PRKAA2: variants seen among roughly 807,000 people sequenced by gnomAD.
PRKAA2 encodes the protein 5'-AMP-activated protein kinase catalytic subunit alpha-2.
PRKAA2 carries 40 observed loss-of-function variants against 56.3 expected under a neutral mutation model. The ratio of observed to expected loss-of-function variants is 0.71; its 90% CI spans 0.55 to 0.92. PRKAA2 has a LOEUF of 0.92. Among genes scored for constraint, PRKAA2 ranks in the 40% least tolerant of loss-of-function variants. PRKAA2 has a pLI of 0.00. For missense variants in PRKAA2, 542 were observed against 686.9 expected, an observed-to-expected ratio of 0.79 and a Z score of 2.36; for synonymous variants, 214 against 234.2, an observed-to-expected ratio of 0.91 and a Z score of 0.79.
In PRKAA2 at chr1:56,712,739, C is replaced by T. The variant is rs545002246; in HGVS notation, c.*5026C>T. 6.6e-6 allele frequency: 1 copy of T among 152,156 alleles called. No homozygotes were observed. The highest frequency in any genetic ancestry group is 1.9e-4 in the East Asian group (1 of 5,158). The allele number at this position is 152,156 out of a possible 1,614,324, so 9.4% of individuals were successfully genotyped here. A position where few individuals can be genotyped will look rare whatever the true frequency, so the allele number is the denominator to read the frequency against. ...GGTGACAGGCTGCTTGTAATCCCAG[C>T]TACTCGGGAGGCTGAGGCACGGGAA... On this transcript the variant is annotated 3_prime_UTR_variant, in exon 9 of 9. Transcript: ENST00000371244.
chr1:56,669,118 A>G (rs774808487), intron 1 of PRKAA2, among the ~76,000 whole-genome samples: 42 of 152,178 alleles, frequency 2.8e-4, no homozygotes, highest in Admixed American at 7.2e-4. Flanking sequence ...GATAATCCTG[A>G]TAAATGGCTG....
At chr1:56,687,408 T>A (rs1399331565) in intron 2 of PRKAA2, among the ~76,000 whole-genome samples, 1 of 152,046 alleles carries the variant, frequency 6.6e-6, no homozygotes, top group Non-Finnish European at 1.5e-5. Context: ...AGAGAGGGGA[T>A]ACACACACAT....
chr1:56,689,751 G>A (rs567422042), intron 2 of PRKAA2, among the ~76,000 whole-genome samples: 13 of 152,048 alleles, frequency 8.5e-5, no homozygotes, highest in African/African-American at 3.1e-4. Context: ...TAATTTTAAC[G>A]TCTCCAAAAC....
intron 6 of PRKAA2, among the ~76,000 whole-genome samples, chr1:56,700,607 C>G (rs1048922421): frequency 6.6e-6 from 1 of 152,120 alleles, no homozygotes; most frequent in African/African-American, 2.4e-5. Flanking sequence ...CAGGCAGTTG[C>G]GATGTTAGAC....
intron 1 of PRKAA2, among the ~76,000 whole-genome samples, chr1:56,652,793 T>C (rs536988229): frequency 6.6e-6 from 1 of 152,342 alleles, no homozygotes; most frequent in African/African-American, 2.4e-5. Flanking sequence ...AGGTAAATTC[T>C]GCACCCTGTG....
intron 1 of PRKAA2, among the ~76,000 whole-genome samples, chr1:56,654,656 T>C (rs981630348): frequency 1.1e-4 from 16 of 152,164 alleles, no homozygotes; most frequent in Admixed American, 5.9e-4. Flanking sequence ...TGAAAAGCAA[T>C]GTGTTTATTT....
chr1:56,656,543 A>T (rs1435486782), intron 1 of PRKAA2, among the ~76,000 whole-genome samples: 2 of 152,230 alleles, frequency 1.3e-5, no homozygotes, highest in Non-Finnish European at 2.9e-5. Flanking sequence ...CATAAAACTT[A>T]TAGGGAAACA....
chr1:56,689,185 A>G (rs1285287928), intron 2 of PRKAA2, among the ~76,000 whole-genome samples: 2 of 152,162 alleles, frequency 1.3e-5, no homozygotes, highest in African/African-American at 4.8e-5. Flanking sequence ...AAATCAGACC[A>G]ACCTACAGTG....
intron 6 of PRKAA2, among the ~76,000 whole-genome samples, chr1:56,702,244 C>T (rs548784314): frequency 1.1e-4 from 16 of 152,176 alleles, no homozygotes; most frequent in East Asian, 1.9e-4. Flanking sequence ...CCACCACGCC[C>T]GGCTAATTTT....
At chr1:56,672,927 A>G (rs1280511119) in intron 1 of PRKAA2, among the ~76,000 whole-genome samples, 1 of 152,120 alleles carries the variant, frequency 6.6e-6, no homozygotes, top group Non-Finnish European at 1.5e-5. Flanking sequence ...ATCAATGGAA[A>G]AGTTTTGGAG....
chr1:56,697,950 T>C (rs1644269691), intron 6 of PRKAA2, among the ~76,000 whole-genome samples: 1 of 151,970 alleles, frequency 6.6e-6, no homozygotes, highest in African/African-American at 2.4e-5. Context: ...CATGAAAGTA[T>C]CATTCATCTC....
chr1:56,651,669 C>T (rs1375477207), intron 1 of PRKAA2, among the ~76,000 whole-genome samples: 3 of 151,984 alleles, frequency 2.0e-5, no homozygotes, highest in Non-Finnish European at 4.4e-5. Flanking sequence ...AGATAAATAA[C>T]GTTTTTTGAA....
intron 1 of PRKAA2, among the ~76,000 whole-genome samples, chr1:56,655,864 C>G (rs115622399): frequency 2.0e-5 from 3 of 152,300 alleles, no homozygotes; most frequent in Non-Finnish European, 4.4e-5. Flanking sequence ...TGATCTGCCT[C>G]TTACCTTTCT....
intron 2 of PRKAA2, among the ~76,000 whole-genome samples, chr1:56,687,964 A>G (rs140152156): frequency 5.0e-4 from 76 of 152,230 alleles, no homozygotes; most frequent in African/African-American, 1.7e-3. Context: ...TTTCTGAAAA[A>G]TTTTTAAACT....
At chr1:56,666,469 C>T (rs941362995) in intron 1 of PRKAA2, among the ~76,000 whole-genome samples, 2 of 152,128 alleles carry the variant, frequency 1.3e-5, no homozygotes, top group African/African-American at 2.4e-5. Flanking sequence ...TACTGAAAGA[C>T]GGTACTTCAT....
intron 2 of PRKAA2, among the ~76,000 whole-genome samples, chr1:56,679,400 C>A (rs2092595): frequency 0.45 from 67,689 of 151,964 alleles, 15,636 homozygotes; most frequent in East Asian, 0.59. Context: ...TGAAGCTAAA[C>A]TTTTCTCTCT....
intron 2 of PRKAA2, among the ~76,000 whole-genome samples, chr1:56,674,849 G>A (rs905312449): frequency 6.6e-6 from 1 of 151,898 alleles, no homozygotes; most frequent in African/African-American, 2.4e-5. Context: ...AACTTTAAAT[G>A]TCATTCAGGG....
chr1:56,684,021 G>A (rs10889010), intron 2 of PRKAA2, among the ~76,000 whole-genome samples: 82,363 of 151,920 alleles, frequency 0.54, 22,883 homozygotes, highest in African/African-American at 0.66. Context: ...AGATGATGTT[G>A]GCTTGAAATA....
intron 6 of PRKAA2, among the ~76,000 whole-genome samples, chr1:56,698,608 C>G (rs1644274360): frequency 6.6e-6 from 1 of 152,172 alleles, no homozygotes; most frequent in Non-Finnish European, 1.5e-5. Context: ...GCCATTTATA[C>G]TATTCCAAAT....
Sources: allele counts gnomAD v4.1 joint callset (sites outside exome capture counted in the v4.1 genomes callset), GRCh38; gene constraint gnomAD v4.1.1; transcripts MANE v1.5; gene names NCBI Gene and HGNC (gene_info 2026-07-23, HGNC 2026-07-21).